Variants in NLGN4X observed in about 807,000 individuals in gnomAD.
The protein encoded by NLGN4X is neuroligin 4 X-linked, also known as neuroligin-4, X-linked.
A neutral mutation model predicts 40.3 loss-of-function variants in NLGN4X; 3 were observed. The observed-to-expected ratio is 0.07, with a 90% CI of 0.03 to 0.19. The LOEUF (loss-of-function observed/expected upper bound fraction) is 0.19, where lower values mean the gene tolerates loss of function less well. Among genes scored for constraint, NLGN4X ranks in the 10% least tolerant of loss-of-function variants. NLGN4X has a pLI of 1.00. For missense variants in NLGN4X, 382 were observed against 708.3 expected, an observed-to-expected ratio of 0.54 and a Z score of 5.23; for synonymous variants, 270 against 306.8, an observed-to-expected ratio of 0.88 and a Z score of 1.25.
At chrX:6,159,169 T>C (rs1209289251) in intron 1 of NLGN4X, among the ~76,000 whole-genome samples, 1 of 111,688 alleles carries the variant, frequency 9.0e-6, no homozygotes, top group Non-Finnish European at 1.9e-5. Context: ...AACAATATAT[T>C]GCTCAGAGCT....
chrX:6,225,691 T>TTTTTTC (rs1926195615), intron 1 of NLGN4X, among the ~76,000 whole-genome samples: 1 of 42,567 alleles, frequency 2.3e-5, no homozygotes, highest in Non-Finnish European at 3.8e-5. Flanking sequence ...CTTTTTTTCT[T>TTTTTTC]TTTTTTTTTT....
At position 6,115,393 on chromosome X, in the gene NLGN4X, C is replaced by T. The variant is rs1411378339; in HGVS notation, c.472+35602G>A. ...ATAGGAAATTCATGTTCAGTGGACA[C>T]ATTTCTCTAACGAATATTACAGGAC... is the stretch of plus-strand genomic sequence containing the variant. On this transcript the variant is annotated intron_variant, in intron 2 of 5. Coordinates refer to ENST00000381095, the MANE Select transcript of NLGN4X (RefSeq NM_181332.3). Among the ~76,000 whole-genome samples the T allele has an allele frequency of 4.5e-5, 5 of 111,641 alleles. No homozygotes were observed. The Admixed American group carries it at 4.7e-4, about 11-fold the overall frequency.
intron 2 of NLGN4X, among the ~76,000 whole-genome samples, chrX:6,042,730 T>TATATATATATGTAC (rs1215396694): frequency 5.0e-5 from 1 of 20,149 alleles, no homozygotes; most frequent in Non-Finnish European, 9.1e-5. Flanking sequence ...TATATATATA[T>TATATATATATGTAC]ACACACACAC....
intron 2 of NLGN4X, among the ~76,000 whole-genome samples, chrX:6,063,009 A>G (rs773475315): frequency 9.0e-6 from 1 of 110,841 alleles, no homozygotes; most frequent in East Asian, 2.9e-4. Flanking sequence ...CATCCTTCTC[A>G]TATATCATCA....
chrX:6,161,155 G>T, intron 1 of NLGN4X, among the ~76,000 whole-genome samples: 1 of 41,739 alleles, frequency 2.4e-5, no homozygotes, highest in Non-Finnish European at 3.7e-5. Context: ...ATATTATATA[G>T]GATATAAAAT....
At chrX:6,034,208 C>G (rs1409437451) in intron 2 of NLGN4X, among the ~76,000 whole-genome samples, 4 of 112,305 alleles carry the variant, frequency 3.6e-5, no homozygotes, top group East Asian at 5.6e-4. Flanking sequence ...TTTGCCTTCT[C>G]TAGGCATTTC....
chrX:5,949,413 T>C (rs2034235100), intron 3 of NLGN4X, among the ~76,000 whole-genome samples: 1 of 111,667 alleles, frequency 9.0e-6, no homozygotes, highest in Non-Finnish European at 1.9e-5. Context: ...TCTTATCCAC[T>C]GAAGACACTT....
chrX:6,061,688 C>T (rs894826563), intron 2 of NLGN4X: 1 of 111,867 alleles, frequency 8.9e-6, no homozygotes, highest in Non-Finnish European at 1.9e-5. Flanking sequence ...ATCAGACAGA[C>T]AAAAGGACGA....
intron 1 of NLGN4X, among the ~76,000 whole-genome samples, chrX:6,176,856 A>G (rs1920961327): frequency 8.9e-6 from 1 of 111,917 alleles, no homozygotes; most frequent in Non-Finnish European, 1.9e-5. Flanking sequence ...GTAACTTGTT[A>G]CTGCAGCACA....
chrX:6,028,613 C>G (rs867654142), intron 3 of NLGN4X, among the ~76,000 whole-genome samples: 1 of 106,641 alleles, frequency 9.4e-6, no homozygotes, highest in Non-Finnish European at 1.9e-5. Flanking sequence ...GAGCCAAGAT[C>G]GCACCACTGC....
intron 2 of NLGN4X, among the ~76,000 whole-genome samples, chrX:6,134,637 CAT>C (rs1401790645): frequency 1.8e-5 from 2 of 112,613 alleles, no homozygotes; most frequent in Admixed American, 9.4e-5. Context: ...GAATAAACTA[CAT>C]GTTTGCTAAT....
At position 5,891,754 on chromosome X, in the gene NLGN4X, C is replaced by T. The variant is rs1365700877; in HGVS notation, c.*1063G>A. 5.9e-6 allele frequency: 1 copy of T among 168,585 alleles called. No individual in the cohort carries two copies. The highest frequency in any genetic ancestry group is 1.1e-5 in the Non-Finnish European group (1 of 90,274). The allele number at this position is 168,585 out of a possible 1,213,427, so 13.9% of individuals were successfully genotyped here. A position where few individuals can be genotyped will look rare whatever the true frequency, so the allele number is the denominator to read the frequency against. On this transcript the variant is annotated 3_prime_UTR_variant, in exon 6 of 6. Coordinates refer to ENST00000381095, the MANE Select transcript of NLGN4X (RefSeq NM_181332.3). The stretch of plus-strand genomic sequence containing the variant: ...AATTTAACAAGCTGTAAATACACTC[C>T]ACTTTGGGGACCCATCTCTGTACTG...
intron 1 of NLGN4X, among the ~76,000 whole-genome samples, chrX:6,174,253 A>G (rs2040672977): frequency 9.0e-6 from 1 of 111,130 alleles, no homozygotes; most frequent in African/African-American, 3.3e-5. Flanking sequence ...CCATCATTAA[A>G]TAGTCAAAAA....
At chrX:6,159,282 T>C (rs751466615) in intron 1 of NLGN4X, among the ~76,000 whole-genome samples, 2 of 111,804 alleles carry the variant, frequency 1.8e-5, no homozygotes, top group Non-Finnish European at 3.8e-5. Context: ...CACACTGATA[T>C]ATAAAAACAG....
At position 6,113,694 on chromosome X, in the gene NLGN4X, C is replaced by CAAA. The variant is rs749113403; in HGVS notation, c.472+37298_472+37300dup. On this transcript the variant is annotated intron_variant, in intron 2 of 5. Coordinates refer to ENST00000381095, the MANE Select transcript of NLGN4X (RefSeq NM_181332.3). The stretch of plus-strand genomic sequence containing the variant: ...AATCCAGGTGGGAACGTGCTTGTTT[C>CAAA]AAAAAAAAAAAAAAATGCACGATAC... Among the ~76,000 whole-genome samples, 707 of 91,672 alleles carry CAAA rather than the reference C, an allele frequency of 7.7e-3. 4 individuals are homozygous for CAAA. The highest frequency in any genetic ancestry group is 0.011 in the African/African-American group (270 of 25,347). 79.6% of individuals were successfully genotyped at this position (91,672 alleles called of 115,157 possible). A position where few individuals can be genotyped will look rare whatever the true frequency, so the allele number is the denominator to read the frequency against.
chrX:5,922,874 TAAATA>T (rs1329958042), intron 3 of NLGN4X, among the ~76,000 whole-genome samples: 1 of 109,702 alleles, frequency 9.1e-6, no homozygotes, highest in Non-Finnish European at 1.9e-5. Flanking sequence ...AATAAATAAA[TAAATA>T]AAATAAAAAA....
At chrX:6,043,805 A>G (rs1242512247) in intron 2 of NLGN4X, among the ~76,000 whole-genome samples, 5 of 111,918 alleles carry the variant, frequency 4.5e-5, no homozygotes, top group African/African-American at 1.6e-4. Context: ...TAGAGGCTAT[A>G]AAGGCAATTG....
In NLGN4X at chrX:6,196,551, C is replaced by CAAAA. The variant is rs374097705; in HGVS notation, c.-306+31986_-306+31989dup. Among the ~76,000 whole-genome samples, 126 of 23,316 alleles carry CAAAA rather than the reference C, an allele frequency of 5.4e-3. 25 individuals carry two copies. Among genetic ancestry groups the CAAAA allele is most frequent in the African/African-American group, 6.0e-3 (50 of 8,386 alleles). The allele number at this position is 23,316 out of a possible 115,157, so 20.2% of individuals were successfully genotyped here. On this transcript the variant is annotated intron_variant, in intron 1 of 5. Coordinates refer to ENST00000381095, the MANE Select transcript of NLGN4X (RefSeq NM_181332.3). ...TGGGCGACAGAGCGAGACTCTGTCT[C>CAAAA]AAAAAAAAAAAAAAAAAAAAAAAAA...
intron 3 of NLGN4X, among the ~76,000 whole-genome samples, chrX:5,993,112 G>C (rs2035725337): frequency 9.0e-6 from 1 of 110,984 alleles, no homozygotes; most frequent in African/African-American, 3.3e-5. Flanking sequence ...CTTAATACTA[G>C]TGGCATTATG....
Sources: gnomAD v4.1 joint callset for allele counts (sites outside exome capture counted in the v4.1 genomes callset) on GRCh38, gnomAD v4.1.1 for gene constraint, MANE v1.5 for transcripts, NCBI Gene and HGNC (gene_info 2026-07-23, HGNC 2026-07-21) for gene names.